VAC14: variants seen among roughly 807,000 people sequenced by gnomAD.
VAC14 encodes protein VAC14 homolog.
Under a neutral mutation model 85.3 loss-of-function variants are expected in VAC14, and 47 were observed. The ratio of observed to expected loss-of-function variants is 0.55; its 90% CI spans 0.44 to 0.70. VAC14 has a LOEUF of 0.70. Ranked by LOEUF, VAC14 falls within the 30% of genes least tolerant of loss-of-function variation. The pLI, the probability that VAC14 is intolerant of heterozygous loss-of-function variation, is 0.00. For missense variants in VAC14, 861 were observed against 1,004.3 expected, an observed-to-expected ratio of 0.86 and a Z score of 1.93; for synonymous variants, 447 against 430.5, an observed-to-expected ratio of 1.04 and a Z score of -0.47.
At chr16:70,726,351 G>C (rs975880909) in intron 14 of VAC14, among the ~76,000 whole-genome samples, 3 of 152,242 alleles carry the variant, frequency 2.0e-5, no homozygotes, top group African/African-American at 7.2e-5. Flanking sequence ...CGGTGCACTG[G>C]AGCCAGCTCT....
intron 13 of VAC14, among the ~76,000 whole-genome samples, chr16:70,741,191 G>A (rs1436749545): frequency 2.6e-5 from 4 of 152,288 alleles, no homozygotes; most frequent in Non-Finnish European, 5.9e-5. Flanking sequence ...CAAACAGGAA[G>A]AGGGTATGGC....
intron 9 of VAC14, among the ~76,000 whole-genome samples, chr16:70,777,214 G>C (rs1053571443): frequency 1.3e-5 from 2 of 152,178 alleles, no homozygotes; most frequent in African/African-American, 4.8e-5. Context: ...CAAAGTGCTG[G>C]GATTACAGGC....
intron 10 of VAC14, among the ~76,000 whole-genome samples, chr16:70,766,039 G>T (rs1442864367): frequency 6.6e-6 from 1 of 151,964 alleles, no homozygotes; most frequent in African/African-American, 2.4e-5. Context: ...AGGCTGAAGT[G>T]GGAGGATTAT....
At position 70,745,174 on chromosome 16, in the gene VAC14, A is replaced by C. The variant is rs548575517; in HGVS notation, c.1372-595T>G. On this transcript the variant is annotated intron_variant, in intron 12 of 18. Transcript: ENST00000261776. Reference sequence around the variant, plus strand: ...ATGTCAGGTGGTCCTCGGTGGCTCTAAAGTGTCCCTGCACAGATGTGGGTG... The same window carrying C: ...ATGTCAGGTGGTCCTCGGTGGCTCTCAAGTGTCCCTGCACAGATGTGGGTG... The C allele has an allele frequency of 3.9e-5, 6 of 153,260 alleles. 1 individual carries two copies. Among genetic ancestry groups the C allele is most frequent in the African/African-American group, 1.4e-4 (6 of 41,558 alleles). The allele number at this position is 153,260 out of a possible 1,614,324, so 9.5% of individuals were successfully genotyped here. A position where few individuals can be genotyped will look rare whatever the true frequency, so the allele number is the denominator to read the frequency against.
In VAC14 at chr16:70,781,942, G is replaced by A. The variant is rs200285981; in HGVS notation, c.873C>T (p.Arg291=). ...WMREFIQLAG[R]VMLPYSSGIL... ...TCCCGGAGGAGTAAGGCAGCATGAC[G>A]CGGCCCGCCAGCTGGATGAACTCCC... The change falls in exon 8 of 19, where the codon CGC becomes CGT. Residue 291 remains arginine (R), a synonymous_variant. Coordinates refer to ENST00000261776, the MANE Select transcript of VAC14 (RefSeq NM_018052.5). The A allele has an allele frequency of 2.8e-4, 453 of 1,614,114 alleles. No homozygotes were observed. The highest frequency in any genetic ancestry group is 3.1e-4 in the Non-Finnish European group (367 of 1,180,030).
chr16:70,725,979 C>A (rs575582630), intron 14 of VAC14, among the ~76,000 whole-genome samples: 1 of 152,384 alleles, frequency 6.6e-6, no homozygotes, highest in Admixed American at 6.5e-5. Context: ...AATGCACAGT[C>A]GCTGAAGCCA....
At chr16:70,692,106 T>A in intron 18 of VAC14, 1 of 981,820 alleles carries the variant, frequency 1.0e-6, no homozygotes, top group Non-Finnish European at 1.2e-6. Flanking sequence ...AGGCAAAGCC[T>A]CCAAGGGTTA....
In VAC14 at chr16:70,800,938, C is replaced by T; in HGVS notation, c.-38G>A. The T allele has an allele frequency of 1.3e-6, 2 of 1,498,920 alleles. No homozygotes were observed. The highest frequency in any genetic ancestry group is 9.0e-7 in the Non-Finnish European group (1 of 1,116,912). The allele number at this position is 1,498,920 out of a possible 1,614,324, so 92.9% of individuals were successfully genotyped here. On this transcript the variant is annotated 5_prime_UTR_variant, in exon 1 of 19. Coordinates refer to ENST00000261776, the MANE Select transcript of VAC14 (RefSeq NM_018052.5). ...GGGAACCTCGCGACTCCTTAGCCCG[C>T]GGCTGCCGGGGCCGCGCCGGGGCCA...
chr16:70,713,715 T>C (rs536926077), intron 14 of VAC14, among the ~76,000 whole-genome samples: 1 of 150,374 alleles, frequency 6.7e-6, no homozygotes, highest in Non-Finnish European at 1.5e-5. Context: ...TTTTGTTTTT[T>C]TTTTTTTTTG....
intron 9 of VAC14, among the ~76,000 whole-genome samples, chr16:70,780,467 A>G (rs1344776083): frequency 6.6e-6 from 1 of 152,158 alleles, no homozygotes; most frequent in African/African-American, 2.4e-5. Context: ...GAATCCAGGA[A>G]AAAGATGAAG....
chr16:70,756,094 G>A (rs1199078550), intron 12 of VAC14: 2 of 456,694 alleles, frequency 4.4e-6, no homozygotes, highest in African/African-American at 4.0e-5. Flanking sequence ...TAAGGTAAGG[G>A]AGTACATCTG....
At chr16:70,794,465 CA>C (rs141683024) in intron 1 of VAC14, among the ~76,000 whole-genome samples, 6,409 of 152,124 alleles carry the variant, frequency 0.042, 468 homozygotes, top group African/African-American at 0.15. Context: ...AACTGAGGCA[CA>C]AAGAGGTTAA....
At chr16:70,705,306 G>A (rs539632648) in intron 14 of VAC14, among the ~76,000 whole-genome samples, 8 of 152,348 alleles carry the variant, frequency 5.3e-5, no homozygotes, top group Admixed American at 3.9e-4. Context: ...GGTGTTTTGG[G>A]TGAGTGTTCA....
At chr16:70,749,245 AC>A (rs2031178728) in intron 12 of VAC14, among the ~76,000 whole-genome samples, 1 of 152,076 alleles carries the variant, frequency 6.6e-6, no homozygotes, top group Non-Finnish European at 1.5e-5. Context: ...AGGGCTTCCA[AC>A]CCCGCTTTCT....
chr16:70,743,981 C>T (rs937174768), intron 13 of VAC14, among the ~76,000 whole-genome samples: 19 of 151,962 alleles, frequency 1.3e-4, no homozygotes, highest in Admixed American at 3.3e-4. Context: ...TGAATGATGC[C>T]GTCTCCTGCC....
intron 10 of VAC14, chr16:70,770,554 C>T (rs2033144432): frequency 6.6e-6 from 1 of 152,268 alleles, no homozygotes; most frequent in South Asian, 2.1e-4. Flanking sequence ...CTGGCATTAG[C>T]TGTTATTCCC....
At chr16:70,794,187 G>A (rs569555694) in intron 1 of VAC14, among the ~76,000 whole-genome samples, 1 of 152,206 alleles carries the variant, frequency 6.6e-6, no homozygotes, top group South Asian at 2.1e-4. Flanking sequence ...GGTGTCAGCA[G>A]CCTTTTGTAT....
At chr16:70,698,480 C>T (rs1392809409) in intron 15 of VAC14, among the ~76,000 whole-genome samples, 157 bp downstream of exon 15, 3 of 152,200 alleles carry the variant, frequency 2.0e-5, no homozygotes, top group African/African-American at 4.8e-5. Flanking sequence ...GCCACTCACC[C>T]GGGATCCCTA....
chr16:70,720,849 G>C (rs1201472954), intron 14 of VAC14, among the ~76,000 whole-genome samples: 2 of 152,206 alleles, frequency 1.3e-5, no homozygotes, highest in Non-Finnish European at 2.9e-5. Context: ...CCCTTCTGAG[G>C]GAATAAAGAG....
Sources: gnomAD v4.1 joint callset for allele counts (sites outside exome capture counted in the v4.1 genomes callset) on GRCh38, gnomAD v4.1.1 for gene constraint, MANE v1.5 for transcripts, NCBI Gene and HGNC (gene_info 2026-07-23, HGNC 2026-07-21) for gene names.